The following OR14A2 variants were observed in gnomAD, a reference collection of about 807,000 sequenced individuals.
OR14A2 encodes olfactory receptor family 14 subfamily A member 2.
For synonymous variants in OR14A2, 114 were observed against 58.6 expected, an observed-to-expected ratio of 1.95 and a Z score of -4.32; for missense variants, 237 against 152.9, an observed-to-expected ratio of 1.55 and a Z score of -2.90.
At chr1:247,736,386 G>T in the OR14A2 span, among the ~76,000 whole-genome samples, 1 of 152,088 alleles carries the variant, frequency 6.6e-6, no homozygotes, top group Non-Finnish European at 1.5e-5. Context: ...GATTGATTGA[G>T]ACTCAGATTG....
chr1:247,740,911 T>C, the OR14A2 span, among the ~76,000 whole-genome samples: 2 of 152,244 alleles, frequency 1.3e-5, no homozygotes, highest in Non-Finnish European at 2.9e-5. Flanking sequence ...TCTTTTTGTT[T>C]ATGTTACTCA....
At chr1:247,741,603 G>A in the OR14A2 span, among the ~76,000 whole-genome samples, 2 of 152,290 alleles carry the variant, frequency 1.3e-5, no homozygotes, top group Non-Finnish European at 2.9e-5. Flanking sequence ...AATCACACAA[G>A]TATGCATATG....
the OR14A2 span, among the ~76,000 whole-genome samples, chr1:247,736,416 G>A: frequency 6.6e-6 from 1 of 152,060 alleles, no homozygotes; most frequent in African/African-American, 2.4e-5. Context: ...ATTTAATCAT[G>A]TGGAATTTCC....
At chr1:247,734,893 A>G in the OR14A2 span, among the ~76,000 whole-genome samples, 1 of 152,348 alleles carries the variant, frequency 6.6e-6, no homozygotes, top group East Asian at 1.9e-4. Flanking sequence ...AAAGTCAGTC[A>G]TTCAAAGCAA....
chr1:247,729,769 ACTCT>A, the OR14A2 span, among the ~76,000 whole-genome samples: 1 of 151,976 alleles, frequency 6.6e-6, no homozygotes, highest in Non-Finnish European at 1.5e-5. Context: ...ATGAAATGTC[ACTCT>A]CTATCCTTTC....
the OR14A2 span, among the ~76,000 whole-genome samples, chr1:247,736,760 C>A: frequency 6.6e-6 from 1 of 152,028 alleles, no homozygotes; most frequent in South Asian, 2.1e-4. Context: ...TTTGACACTG[C>A]TCCAGGTTTT....
the OR14A2 span, among the ~76,000 whole-genome samples, chr1:247,745,195 GCCATTGTGAT>G: frequency 2.8e-3 from 419 of 152,128 alleles, 2 homozygotes; most frequent in African/African-American, 9.8e-3. Context: ...CATTAATAAA[GCCATTGTGAT>G]CTATAATTAG....
chr1:247,723,753 G>A, exon 1 of OR14A2: 1 of 718,336 alleles, frequency 1.4e-6, no homozygotes, highest in Non-Finnish European at 2.6e-6. Flanking sequence ...AAAGTAGCTG[G>A]AAGGCACATC....
At chr1:247,730,889 C>T in the OR14A2 span, among the ~76,000 whole-genome samples, 3 of 152,074 alleles carry the variant, frequency 2.0e-5, no homozygotes, top group East Asian at 5.8e-4. Flanking sequence ...TTGGTGAGGG[C>T]GAGTTTCTTT....
the OR14A2 span, among the ~76,000 whole-genome samples, chr1:247,741,393 A>G: frequency 1.1e-4 from 16 of 152,326 alleles, no homozygotes; most frequent in East Asian, 3.1e-3. Context: ...TCCTAAGCCA[A>G]TTCATTTCAA....
chr1:247,738,220 A>C, the OR14A2 span, among the ~76,000 whole-genome samples: 1 of 152,230 alleles, frequency 6.6e-6, no homozygotes. Flanking sequence ...CACAACATTT[A>C]ATACACACAA....
At chr1:247,729,543 G>C in the OR14A2 span, among the ~76,000 whole-genome samples, 1 of 152,012 alleles carries the variant, frequency 6.6e-6, no homozygotes, top group Non-Finnish European at 1.5e-5. Context: ...TTTATATTAA[G>C]CCTATGGTTA....
At chr1:247,734,643 G>C in the OR14A2 span, among the ~76,000 whole-genome samples, 1 of 152,152 alleles carries the variant, frequency 6.6e-6, no homozygotes, top group Non-Finnish European at 1.5e-5. Context: ...TCTAGATTCA[G>C]TCCCTGTCAA....
At chr1:247,734,387 G>A in the OR14A2 span, among the ~76,000 whole-genome samples, 7 of 152,156 alleles carry the variant, frequency 4.6e-5, no homozygotes, top group Non-Finnish European at 7.3e-5. Flanking sequence ...CAGACGACGT[G>A]TTTAAGCTAC....
At chr1:247,746,232 C>G in the OR14A2 span, 2 of 152,156 alleles carry the variant, frequency 1.3e-5, no homozygotes, top group East Asian at 1.9e-4. Flanking sequence ...CTTTGAAGCT[C>G]AGAAGAGTCA....
the OR14A2 span, among the ~76,000 whole-genome samples, chr1:247,729,418 G>A: frequency 6.6e-6 from 1 of 152,012 alleles, no homozygotes; most frequent in African/African-American, 2.4e-5. Flanking sequence ...GTAATATACT[G>A]TATAATAATC....
At chr1:247,731,055 C>T in the OR14A2 span, among the ~76,000 whole-genome samples, 9 of 152,070 alleles carry the variant, frequency 5.9e-5, no homozygotes, top group Non-Finnish European at 1.3e-4. Flanking sequence ...ATGTCTGATA[C>T]TATTAACTTT....
At chr1:247,738,458 A>G in the OR14A2 span, among the ~76,000 whole-genome samples, 2 of 152,218 alleles carry the variant, frequency 1.3e-5, no homozygotes, top group Non-Finnish European at 2.9e-5. Context: ...ACCTGAGTCC[A>G]TGAGAAATAT....
chr1:247,744,997 G>A, the OR14A2 span, among the ~76,000 whole-genome samples: 1 of 152,144 alleles, frequency 6.6e-6, no homozygotes, highest in Non-Finnish European at 1.5e-5. This position sits in a 1 kb window ranked among gnomAD's most constrained non-coding sequence, Gnocchi z 4.3. Flanking sequence ...CCCATGCAGA[G>A]AGTGGCTTCA....
Sources: allele counts gnomAD v4.1 joint callset (sites outside exome capture counted in the v4.1 genomes callset), GRCh38; gene constraint gnomAD v4.1.1; non-coding constraint Gnocchi (gnomAD v3.1); transcripts MANE v1.5; gene names NCBI Gene and HGNC (gene_info 2026-07-23, HGNC 2026-07-21).